TTC27: variants seen among roughly 807,000 people sequenced by gnomAD.
The protein encoded by TTC27 is tetratricopeptide repeat protein 27.
A neutral mutation model predicts 115.9 loss-of-function variants in TTC27; 79 were observed. The ratio of observed to expected loss-of-function variants is 0.68; its 90% CI spans 0.57 to 0.82. The LOEUF is 0.82. TTC27 is among the 40% of genes least tolerant of loss of function. The probability of loss-of-function intolerance (pLI) is 0.00; values close to 1 mark genes in which losing one functional copy is unlikely to be tolerated. For missense variants in TTC27, 1,054 were observed against 993.1 expected, an observed-to-expected ratio of 1.06 and a Z score of -0.82; for synonymous variants, 401 against 356.0, an observed-to-expected ratio of 1.13 and a Z score of -1.42.
rs117581399 is a variant in TTC27, at chr2:32,802,071, G to A, written c.1999-8953G>A. ...TGGATATATGCATATTCTAGAAAGC[G>A]GATGGAAAACTCTCATTAGATCCGC... On this transcript the variant is annotated intron_variant, in intron 16 of 19. Transcript: ENST00000317907. 1.3e-3 allele frequency among the ~76,000 whole-genome samples: 196 copies of A among 152,054 alleles called. 8 individuals carry two copies. In the East Asian group the frequency reaches 0.032, roughly 25 times the overall value.
intron 18 of TTC27, among the ~76,000 whole-genome samples, chr2:32,816,001 T>C (rs1013001775): frequency 6.6e-6 from 1 of 152,212 alleles, no homozygotes; most frequent in African/African-American, 2.4e-5. Context: ...CCTCTACCGA[T>C]TGATTAGTCT....
At chr2:32,756,068 A>G (rs930721891) in intron 12 of TTC27, among the ~76,000 whole-genome samples, 2 of 152,228 alleles carry the variant, frequency 1.3e-5, no homozygotes, top group Non-Finnish European at 2.9e-5. Context: ...TACCAATCAC[A>G]CATTTCCATT....
intron 9 of TTC27, among the ~76,000 whole-genome samples, chr2:32,700,986 A>G (rs1418787847): frequency 6.6e-6 from 1 of 152,108 alleles, no homozygotes; most frequent in African/African-American, 2.4e-5. Flanking sequence ...CTTTTTGTAG[A>G]TTTAAGTTAA....
intron 5 of TTC27, among the ~76,000 whole-genome samples, chr2:32,652,755 C>G (rs1354906442): frequency 2.6e-5 from 4 of 152,172 alleles, no homozygotes; most frequent in Admixed American, 2.0e-4. Context: ...GGGATTTGAT[C>G]CAAATGTAAT....
chr2:32,676,232 A>T (rs147767098), intron 8 of TTC27, among the ~76,000 whole-genome samples: 166 of 151,348 alleles, frequency 1.1e-3, no homozygotes, highest in African/African-American at 3.8e-3. Context: ...AACTTGCCCC[A>T]CCTCTCTTAT....
At chr2:32,718,877 C>T (rs1667834993) in intron 10 of TTC27, among the ~76,000 whole-genome samples, 1 of 152,210 alleles carries the variant, frequency 6.6e-6, no homozygotes, top group Non-Finnish European at 1.5e-5. Flanking sequence ...AGATGCTTCT[C>T]TTTTAAAATA....
At chr2:32,713,377 T>C (rs552527651) in intron 10 of TTC27, among the ~76,000 whole-genome samples, 1 of 152,352 alleles carries the variant, frequency 6.6e-6, no homozygotes, top group African/African-American at 2.4e-5. Context: ...AAATTTGTCA[T>C]TGTCTTCTTT....
chr2:32,679,869 G>A (rs1262599016), intron 9 of TTC27, among the ~76,000 whole-genome samples: 2 of 152,060 alleles, frequency 1.3e-5, no homozygotes, highest in African/African-American at 4.8e-5. Context: ...GTACATGTCT[G>A]TAACCCCAGC....
At chr2:32,712,397 C>G (rs1314972829) in intron 10 of TTC27, among the ~76,000 whole-genome samples, 2 of 152,058 alleles carry the variant, frequency 1.3e-5, no homozygotes, top group African/African-American at 4.8e-5. Context: ...TTTATGGAAA[C>G]TATTTTAATG....
intron 12 of TTC27, among the ~76,000 whole-genome samples, chr2:32,753,478 C>T (rs1669090099): frequency 8.5e-6 from 1 of 117,546 alleles, no homozygotes; most frequent in African/African-American, 3.2e-5. Context: ...CTCTCTGTCA[C>T]CCAGGCTGGA....
chr2:32,661,249 C>T (rs369579899), intron 5 of TTC27, among the ~76,000 whole-genome samples: 6 of 152,096 alleles, frequency 3.9e-5, no homozygotes, highest in East Asian at 1.9e-4. Context: ...CTTGGCTATA[C>T]GGGCTCTTTT....
chr2:32,778,887 C>G (rs1670082889), intron 14 of TTC27, among the ~76,000 whole-genome samples: 1 of 152,100 alleles, frequency 6.6e-6, no homozygotes, highest in Non-Finnish European at 1.5e-5. Flanking sequence ...CGTATGGTAG[C>G]TCTATATTCA....
chr2:32,788,923 A>G (rs780813454), intron 16 of TTC27, among the ~76,000 whole-genome samples: 10 of 152,190 alleles, frequency 6.6e-5, no homozygotes, highest in Non-Finnish European at 1.0e-4. Flanking sequence ...TAAAATAACA[A>G]TAATTAATAT....
chr2:32,677,821 C>A (rs1666270727), intron 8 of TTC27, among the ~76,000 whole-genome samples: 1 of 152,150 alleles, frequency 6.6e-6, no homozygotes, highest in Non-Finnish European at 1.5e-5. Flanking sequence ...CTAAGAATGC[C>A]CATTGTTCTG....
intron 18 of TTC27, 133 bp from the exon 19 acceptor site, chr2:32,817,324 A>G: frequency 1.5e-6 from 1 of 663,846 alleles, no homozygotes; most frequent in African/African-American, 1.8e-5. Flanking sequence ...TTTTTCAACA[A>G]TAAAAACTTT....
At chr2:32,664,267 A>T (rs981590455) in intron 5 of TTC27, 36 bp from the exon 6 acceptor site, 83 of 1,556,872 alleles carry the variant, frequency 5.3e-5, no homozygotes, top group Non-Finnish European at 6.9e-5. Flanking sequence ...TTTTCTTCTC[A>T]TCATAACTTT....
Position 32,811,009 on chromosome 2 carries a change from C to T in TTC27, c.1999-15C>T. ...TTGGTTTCTAACTTACCAGTTTGTT[C>T]TGTGCATTTTTAAGGTCCTTAAAAT... On this transcript the variant is annotated splice_polypyrimidine_tract_variant and intron_variant, in intron 16 of 19. Transcript: ENST00000317907. The T allele has an allele frequency of 6.2e-7, 1 of 1,613,636 alleles. No homozygotes were observed. The highest frequency in any genetic ancestry group is 2.2e-5 in the East Asian group (1 of 44,870).
chr2:32,778,528 A>G (rs1445475460), intron 14 of TTC27, among the ~76,000 whole-genome samples: 1 of 152,188 alleles, frequency 6.6e-6, no homozygotes, highest in Non-Finnish European at 1.5e-5. Context: ...GCCCTAGGCA[A>G]ACACTAATGT....
intron 10 of TTC27, among the ~76,000 whole-genome samples, chr2:32,711,526 A>C (rs1362047058): frequency 6.6e-6 from 1 of 152,216 alleles, no homozygotes; most frequent in Non-Finnish European, 1.5e-5. Flanking sequence ...ATAAGAGGAA[A>C]ATGATTTTAA....
Sources: allele counts gnomAD v4.1 joint callset (sites outside exome capture counted in the v4.1 genomes callset), GRCh38; gene constraint gnomAD v4.1.1; transcripts MANE v1.5; gene names NCBI Gene and HGNC (gene_info 2026-07-23, HGNC 2026-07-21).